ACOT11: variants seen among roughly 807,000 people sequenced by gnomAD.
ACOT11 encodes the protein acyl-coenzyme A thioesterase 11.
In ACOT11, 69 loss-of-function variants were observed where a neutral mutation model predicts 77.5. That is an observed-to-expected ratio of 0.89 (90% CI 0.73 to 1.09). The LOEUF (loss-of-function observed/expected upper bound fraction) is 1.09, where lower values mean the gene tolerates loss of function less well. Among genes scored for constraint, ACOT11 ranks in the 50% least tolerant of loss-of-function variants. The pLI is 0.00. For missense variants in ACOT11, 766 were observed against 813.7 expected (o/e 0.94, Z 0.71); for synonymous variants, 279 against 313.0 (o/e 0.89, Z 1.15).
Position 54,629,447 on chromosome 1 carries a change from C to T in ACOT11, c.1630-1287C>T, listed in dbSNP as rs545319128. 1.1e-3 allele frequency among the ~76,000 whole-genome samples: 142 copies of T among 131,590 alleles called. 13 individuals carry two copies. Among genetic ancestry groups the T allele is most frequent in the African/African-American group, 3.6e-3 (139 of 39,024 alleles). The allele number at this position is 131,590 out of a possible 152,430, so 86.3% of individuals were successfully genotyped here. A position where few individuals can be genotyped will look rare whatever the true frequency, so the allele number is the denominator to read the frequency against. ...GACTACAGATACATGCCACCACACC[C>T]GGCTAATTTTTTGTATTTTTAGCAG... On this transcript the variant is annotated intron_variant, in intron 15 of 16. Transcript: ENST00000371316.
At chr1:54,561,081 TATTTTTTTTA>T (rs1457256605) in intron 1 of ACOT11, among the ~76,000 whole-genome samples, 11,830 of 60,872 alleles carry the variant, frequency 0.19, 839 homozygotes, top group South Asian at 0.31. Flanking sequence ...GCTGATTTTT[TATTTTTTTTA>T]TTTTTTTTTA....
chr1:54,632,724 G>A (rs1319120203), intron 16 of ACOT11, among the ~76,000 whole-genome samples: 1 of 152,194 alleles, frequency 6.6e-6, no homozygotes, highest in African/African-American at 2.4e-5. Flanking sequence ...GAAATTTAAA[G>A]GTTTGGTAGA....
chr1:54,582,599 G>A, intron 1 of ACOT11: 3 of 833,536 alleles, frequency 3.6e-6, no homozygotes, highest in Non-Finnish European at 4.3e-6. Context: ...TTGACCAGGT[G>A]AGAAGCAGAG....
At chr1:54,610,390 G>T (rs746927156), downstream of ACOT11, 4 of 1,609,152 alleles carry the variant, frequency 2.5e-6, no homozygotes, top group Middle Eastern at 5.0e-4. Context: ...TGGGAGCACC[G>T]GGGCTGAAGG....
At chr1:54,610,565 C>T (rs7535372), downstream of ACOT11, 1,141 of 1,607,662 alleles carry the variant, frequency 7.1e-4, 9 homozygotes, top group African/African-American at 0.012. Context: ...ACTGTGGGGC[C>T]CCAAATCGCC....
Position 54,576,492 on chromosome 1 carries a change from A to T in ACOT11, c.34-8163A>T, listed in dbSNP as rs577719. 7.8e-3 allele frequency among the ~76,000 whole-genome samples: 496 copies of T among 63,620 alleles called. 7 individuals carry two copies. The East Asian group carries it at 0.12, about 16-fold the overall frequency. 41.7% of individuals were successfully genotyped at this position (63,620 alleles called of 152,430 possible). A position where few individuals can be genotyped will look rare whatever the true frequency, so the allele number is the denominator to read the frequency against. Reference sequence around the variant, plus strand: ...CAGCCTAGGTGACAGAGCAAGATCTAAAAAAAAAAAAAAAAAAAAAAGCAA... The same window carrying T: ...CAGCCTAGGTGACAGAGCAAGATCTTAAAAAAAAAAAAAAAAAAAAAGCAA... On this transcript the variant is annotated intron_variant, in intron 1 of 15. Transcript: ENST00000343744.
downstream of ACOT11, chr1:54,611,876 T>G: frequency 9.5e-7 from 1 of 1,050,808 alleles, no homozygotes; most frequent in African/African-American, 1.6e-5. Context: ...CACCTGCCAC[T>G]TCTCCCTGAG....
intron 9 of ACOT11, among the ~76,000 whole-genome samples, chr1:54,602,150 G>A (rs919519751): frequency 1.3e-5 from 2 of 152,322 alleles, no homozygotes; most frequent in Admixed American, 6.5e-5. Flanking sequence ...TAGATGTGGC[G>A]GTAAAGAGGG....
In ACOT11 at chr1:54,603,946, C is replaced by G; in HGVS notation, c.1152+9C>G. ...GGGACCCTAGCAACCAGGTAAGGCT[C>G]TCTGCTCCGAGAGGACAGTCTTCAG... is the stretch of plus-strand genomic sequence containing the variant. On this transcript the variant is annotated intron_variant, in intron 11 of 15. Transcript: ENST00000343744. 6.2e-7 allele frequency: 1 copy of G among 1,613,746 alleles called. No homozygotes were observed. The highest frequency in any genetic ancestry group is 8.5e-7 in the Non-Finnish European group (1 of 1,179,678).
At chr1:54,574,274 C>G (rs1361635798) in intron 1 of ACOT11, among the ~76,000 whole-genome samples, 11 of 152,164 alleles carry the variant, frequency 7.2e-5, no homozygotes, top group African/African-American at 2.7e-4. Context: ...TGGCCCCTGT[C>G]CTGCAGGTTC....
At chr1:54,552,676 G>A (rs567103032) in intron 1 of ACOT11, among the ~76,000 whole-genome samples, 3 of 152,052 alleles carry the variant, frequency 2.0e-5, no homozygotes, top group Non-Finnish European at 4.4e-5. Flanking sequence ...TAGTAGAGAC[G>A]GGGTTTCACC....
Position 54,607,261 on chromosome 1 carries a change from A to C in ACOT11, c.1498A>C (p.Asn500His), listed in dbSNP as rs201342105. 4.3e-6 allele frequency: 7 copies of C among 1,614,034 alleles called. No individual in the cohort carries two copies. The highest frequency in any genetic ancestry group is 1.6e-4 in the Middle Eastern group (1 of 6,062). The change falls in exon 14 of 16, where the codon AAT (asparagine) becomes CAT (histidine). Residue 500 changes from asparagine (N) to histidine (H), a missense_variant. Transcript: ENST00000343744. The surrounding 1 kb of genome is among the most constrained non-coding windows in gnomAD (Gnocchi z 4.5). Reference sequence around the variant, plus strand: ...GGCCTCGAGGCGGAAGCCTTGTGACAATGGGTGTGTGCCTATCTGCTGTGG... The same window carrying C: ...GGCCTCGAGGCGGAAGCCTTGTGACCATGGGTGTGTGCCTATCTGCTGTGG... ...ILASRRKPCDNGDPYVIALRS... is the reference protein window; with the variant it reads ...ILASRRKPCDHGDPYVIALRS...
Position 54,573,140 on chromosome 1 carries a change from G to A in ACOT11, c.34-11515G>A, listed in dbSNP as rs189938702. 20 of 985,442 alleles carry A rather than the reference G, an allele frequency of 2.0e-5. No homozygotes were observed. The African/African-American group carries it at 3.3e-4, about 16-fold the overall frequency. The allele number at this position is 985,442 out of a possible 1,614,324, so 61.0% of individuals were successfully genotyped here. Reference sequence around the variant, plus strand: ...GGCTCCAGGTATGGGTCCTGGCCTAGCATGTCTGGTTAAGGAAGAGCCGGT... The same window carrying A: ...GGCTCCAGGTATGGGTCCTGGCCTAACATGTCTGGTTAAGGAAGAGCCGGT... On this transcript the variant is annotated intron_variant, in intron 1 of 15. Coordinates refer to ENST00000343744, the MANE Select transcript of ACOT11 (RefSeq NM_147161.4).
chr1:54,612,688 TCTC>T (rs1644132120), downstream of ACOT11: 7 of 1,613,858 alleles, frequency 4.3e-6, no homozygotes, highest in African/African-American at 1.3e-5. Context: ...TTGGGATACT[TCTC>T]CTGGACCAGG....
chr1:54,568,759 T>G (rs1253701389), intron 1 of ACOT11, among the ~76,000 whole-genome samples: 1 of 152,112 alleles, frequency 6.6e-6, no homozygotes, highest in Admixed American at 6.5e-5. Flanking sequence ...TTTATTTTAT[T>G]TTTTAAAAGA....
At chr1:54,594,359 G>C (rs1038140355) in intron 5 of ACOT11, among the ~76,000 whole-genome samples, 197 bp from the exon 6 acceptor site, 1 of 152,214 alleles carries the variant, frequency 6.6e-6, no homozygotes. Flanking sequence ...ACCTGGGTGG[G>C]AGCTGGAGGA....
intron 1 of ACOT11, among the ~76,000 whole-genome samples, chr1:54,569,934 A>G (rs1208175177): frequency 1.3e-5 from 2 of 152,208 alleles, no homozygotes; most frequent in East Asian, 1.9e-4. Flanking sequence ...TGGAGCAGGT[A>G]CATGTGGTAC....
chr1:54,560,592 G>A (rs1049632492), intron 1 of ACOT11, among the ~76,000 whole-genome samples: 4 of 152,268 alleles, frequency 2.6e-5, no homozygotes, highest in Non-Finnish European at 5.9e-5. Flanking sequence ...GCAGTGGTGC[G>A]ATCATAGCTC....
intron 1 of ACOT11, among the ~76,000 whole-genome samples, chr1:54,556,815 T>C (rs1653272604): frequency 6.6e-6 from 1 of 151,958 alleles, no homozygotes; most frequent in African/African-American, 2.4e-5. Context: ...ACTCCTGACC[T>C]TGGGTGATCC....
Sources: gnomAD v4.1 joint callset for allele counts (sites outside exome capture counted in the v4.1 genomes callset) on GRCh38, gnomAD v4.1.1 for gene constraint, Gnocchi (gnomAD v3.1) non-coding constraint, MANE v1.5 for transcripts, NCBI Gene and HGNC (gene_info 2026-07-23, HGNC 2026-07-21) for gene names.